Variants in NEXN observed in about 807,000 individuals in gnomAD.
NEXN encodes nexilin F-actin binding protein, also known as nexilin.
NEXN carries 65 observed loss-of-function variants against 92.6 expected under a neutral mutation model. The ratio of observed to expected loss-of-function variants is 0.70; its 90% CI spans 0.57 to 0.86. NEXN has a LOEUF of 0.86. Among genes scored for constraint, NEXN ranks in the 40% least tolerant of loss-of-function variants. NEXN has a pLI of 0.00. For missense variants in NEXN, 778 were observed against 771.1 expected, an observed-to-expected ratio of 1.01 and a Z score of -0.11; for synonymous variants, 254 against 242.5, an observed-to-expected ratio of 1.05 and a Z score of -0.44.
At chr1:77,919,900 CTT>C (rs1349307592) in intron 5 of NEXN, among the ~76,000 whole-genome samples, 9 of 130,766 alleles carry the variant, frequency 6.9e-5, no homozygotes, top group African/African-American at 1.1e-4. Flanking sequence ...GCACTGGCCT[CTT>C]TTTTTTTTTT....
At chr1:77,923,911 C>T (rs1010176397) in intron 5 of NEXN, among the ~76,000 whole-genome samples, 2 of 151,582 alleles carry the variant, frequency 1.3e-5, no homozygotes, top group Non-Finnish European at 1.5e-5. Context: ...CTCTTGACCT[C>T]GTGATCCGCC....
chr1:77,896,366 C>T (rs939051331), intron 1 of NEXN, among the ~76,000 whole-genome samples: 2 of 151,940 alleles, frequency 1.3e-5, no homozygotes, highest in African/African-American at 4.8e-5. Context: ...ATTTCTCATC[C>T]TCTGACTCTT....
Position 77,935,999 on chromosome 1 carries a change from A to C in NEXN, c.1428A>C (p.Ala476=), listed in dbSNP as rs763538898. 5 of 1,613,802 alleles carry C rather than the reference A, an allele frequency of 3.1e-6. No individual in the cohort carries two copies. The South Asian group carries it at 5.5e-5, about 18-fold the overall frequency. ...AAGAAGAGCGAGCAAGAAGGAGAGC[A>C]ATTGACCTTGAAATTAAAGAGCGAG... The part of the protein sequence containing the change: ...KIEEERARRR[A]IDLEIKEREA... Residue 476 remains alanine, a synonymous_variant, in exon 11 of 13, where the codon GCA becomes GCC. Transcript: ENST00000334785.
chr1:77,914,404 T>C lies in NEXN; in HGVS notation c.-52-1651T>C, dbSNP rs181950392. Among the ~76,000 whole-genome samples the C allele has an allele frequency of 6.6e-5, 10 of 151,616 alleles. No homozygotes were observed. The East Asian group carries it at 1.4e-3, about 21-fold the overall frequency. ...CTTCTACTCAATTTTGCTGTGAACC[T>C]AAAATAAACTCTATTAAAAAAAAAG... is the stretch of plus-strand genomic sequence containing the variant. On this transcript the variant is annotated intron_variant, in intron 1 of 12. Transcript: ENST00000334785.
At chr1:77,922,816 C>G (rs960356527) in intron 5 of NEXN, among the ~76,000 whole-genome samples, 5 of 151,506 alleles carry the variant, frequency 3.3e-5, no homozygotes, top group Admixed American at 1.3e-4. Context: ...AGGACAGTCT[C>G]GATCTCCTGA....
intron 5 of NEXN, among the ~76,000 whole-genome samples, chr1:77,920,312 A>G (rs1649322301): frequency 6.6e-6 from 1 of 152,206 alleles, no homozygotes; most frequent in Non-Finnish European, 1.5e-5. Flanking sequence ...AAAGTATGGC[A>G]TAGGTAGTCA....
At chr1:77,898,812 C>T (rs1186351089) in intron 1 of NEXN, among the ~76,000 whole-genome samples, 1 of 151,920 alleles carries the variant, frequency 6.6e-6, no homozygotes, top group Non-Finnish European at 1.5e-5. Flanking sequence ...AACAAATTTA[C>T]AAGAAAAAAA....
intron 1 of NEXN, among the ~76,000 whole-genome samples, chr1:77,898,663 A>G (rs1647428717): frequency 6.6e-6 from 1 of 152,132 alleles, no homozygotes; most frequent in South Asian, 2.1e-4. Context: ...TGACAAATGG[A>G]ATCTAATTAA....
At chr1:77,918,473 C>T (rs186365391) in intron 5 of NEXN, among the ~76,000 whole-genome samples, 200 bp downstream of exon 5, 58 of 151,942 alleles carry the variant, frequency 3.8e-4, no homozygotes, top group Admixed American at 1.0e-3. Flanking sequence ...GACATCAGCC[C>T]GGGCAACATG....
chr1:77,922,140 CTTTT>C (rs11365279), intron 5 of NEXN, among the ~76,000 whole-genome samples: 6 of 111,924 alleles, frequency 5.4e-5, no homozygotes, highest in Admixed American at 8.8e-5. Flanking sequence ...AAAGAGAAGT[CTTTT>C]TTTTTTTTTT....
chr1:77,932,978 A>T (rs1298076729), intron 9 of NEXN: 1 of 255,010 alleles, frequency 3.9e-6, no homozygotes, highest in Non-Finnish European at 7.6e-6. Flanking sequence ...CCTGACCAAC[A>T]TGGAGAAACC....
At chr1:77,892,928 A>G (rs747093246) in intron 1 of NEXN, among the ~76,000 whole-genome samples, 12 of 149,490 alleles carry the variant, frequency 8.0e-5, no homozygotes, top group Non-Finnish European at 1.6e-4. Flanking sequence ...GTGCAGTGGC[A>G]TGATCTTGGC....
intron 1 of NEXN, among the ~76,000 whole-genome samples, chr1:77,893,613 C>T (rs1647155909): frequency 1.3e-5 from 2 of 152,102 alleles, no homozygotes; most frequent in Admixed American, 6.6e-5. Flanking sequence ...CATTCACTAG[C>T]TCAAATACGA....
At chr1:77,931,231 C>A (rs1484263878) in intron 9 of NEXN, among the ~76,000 whole-genome samples, 3 of 120,572 alleles carry the variant, frequency 2.5e-5, no homozygotes, top group South Asian at 2.7e-4. Context: ...ACTAAAAATA[C>A]AAAAAAAAAA....
intron 11 of NEXN, among the ~76,000 whole-genome samples, chr1:77,936,270 G>A (rs186180107): frequency 4.6e-5 from 7 of 152,270 alleles, no homozygotes; most frequent in African/African-American, 1.7e-4. Context: ...AATGTCAAAT[G>A]GTTCACTCTA....
At chr1:77,929,783 G>A (rs1650144354) in intron 9 of NEXN, among the ~76,000 whole-genome samples, 1 of 152,218 alleles carries the variant, frequency 6.6e-6, no homozygotes, top group Admixed American at 6.5e-5. Flanking sequence ...CCAGAACTAA[G>A]TATCCAAGGA....
intron 9 of NEXN, among the ~76,000 whole-genome samples, chr1:77,931,327 C>T (rs991085553): frequency 5.8e-5 from 8 of 137,050 alleles, no homozygotes; most frequent in Non-Finnish European, 1.1e-4. Context: ...GCAGGAGAAT[C>T]GCATGAACCT....
At chr1:77,937,386 T>C (rs965241334) in intron 11 of NEXN, among the ~76,000 whole-genome samples, 6 of 149,646 alleles carry the variant, frequency 4.0e-5, no homozygotes, top group Non-Finnish European at 5.9e-5. Flanking sequence ...CTTAGATACA[T>C]GCATTAAAAA....
At chr1:77,894,647 C>T (rs1647183527) in intron 1 of NEXN, among the ~76,000 whole-genome samples, 2 of 151,594 alleles carry the variant, frequency 1.3e-5, no homozygotes, top group Non-Finnish European at 2.9e-5. Flanking sequence ...TACCATGTTG[C>T]CCAGGCCTCA....
Sources: gnomAD v4.1 joint callset for allele counts (sites outside exome capture counted in the v4.1 genomes callset) on GRCh38, gnomAD v4.1.1 for gene constraint, MANE v1.5 for transcripts, NCBI Gene and HGNC (gene_info 2026-07-23, HGNC 2026-07-21) for gene names.